EPHA7: variants seen among roughly 807,000 people sequenced by gnomAD.
EPHA7 encodes ephrin type-A receptor 7.
Under a neutral mutation model 112.6 loss-of-function variants are expected in EPHA7, and 25 were observed. That is an observed-to-expected ratio of 0.22 (90% CI 0.16 to 0.31). EPHA7 has a LOEUF of 0.31. Ranked by LOEUF, EPHA7 falls within the 10% of genes least tolerant of loss-of-function variation. The pLI is 1.00. For synonymous variants in EPHA7, 437 were observed against 406.5 expected, an observed-to-expected ratio of 1.07 and a Z score of -0.90; for missense variants, 962 against 1,212.6, an observed-to-expected ratio of 0.79 and a Z score of 3.07.
At chr6:93,343,594 C>T (rs1353873559) in intron 5 of EPHA7, among the ~76,000 whole-genome samples, 2 of 151,648 alleles carry the variant, frequency 1.3e-5, no homozygotes, top group Admixed American at 6.6e-5. Context: ...TTGCTTTTTG[C>T]GTTCCCTGCA....
chr6:93,343,501 T>C (rs1775241597), intron 5 of EPHA7, among the ~76,000 whole-genome samples: 1 of 151,762 alleles, frequency 6.6e-6, no homozygotes, highest in African/African-American at 2.4e-5. Flanking sequence ...GAATTATCTG[T>C]TTATAGTTCT....
intron 5 of EPHA7, among the ~76,000 whole-genome samples, chr6:93,336,603 G>A (rs1368685711): frequency 2.6e-5 from 4 of 151,900 alleles, no homozygotes; most frequent in East Asian, 1.9e-4. Flanking sequence ...GGGTTTCACT[G>A]TGTTAGCCAG....
At position 93,356,989 on chromosome 6, in the gene EPHA7, C is replaced by G; in HGVS notation, c.1052G>C (p.Trp351Ser). The part of the protein sequence containing the change: ...NINQTTVSLE[W>S]SPPADNGGRN... ...TCCCCCATTGTCTGCAGGAGGACTC[C>G]ATTCCAAACTTACTGTGGTTTGGTT... The change falls in exon 5 of 17, where the codon TGG becomes TCG. Residue 351 changes from tryptophan (W) to serine (S), a missense_variant. By Grantham distance (177) the Trp-to-Ser change is radical. Coordinates refer to ENST00000369303, the MANE Select transcript of EPHA7 (RefSeq NM_004440.4). 6.2e-7 allele frequency: 1 copy of G among 1,614,036 alleles called. No homozygotes were observed. Among genetic ancestry groups the G allele is most frequent in the Non-Finnish European group, 8.5e-7 (1 of 1,179,992 alleles).
chr6:93,294,767 T>C (rs346462), intron 5 of EPHA7, among the ~76,000 whole-genome samples: 45,281 of 151,896 alleles, frequency 0.3, 7,010 homozygotes, highest in South Asian at 0.48. Flanking sequence ...CATACATTAA[T>C]AGATATAGAT....
At chr6:93,312,253 T>C (rs1296793282) in intron 5 of EPHA7, among the ~76,000 whole-genome samples, 1 of 152,136 alleles carries the variant, frequency 6.6e-6, no homozygotes, top group Non-Finnish European at 1.5e-5. Context: ...TGGCATCATT[T>C]TCCAATATAA....
At chr6:93,360,285 T>C (rs1398426054) in intron 3 of EPHA7, among the ~76,000 whole-genome samples, 1 of 100,032 alleles carries the variant, frequency 1.0e-5, no homozygotes, top group Non-Finnish European at 2.1e-5. Flanking sequence ...TTTTAAAATA[T>C]TCATTGTATC....
At chr6:93,329,190 T>C (rs1364945868) in intron 5 of EPHA7, among the ~76,000 whole-genome samples, 1 of 151,424 alleles carries the variant, frequency 6.6e-6, no homozygotes, top group Non-Finnish European at 1.5e-5. Context: ...TCTTCAGATC[T>C]GCATTGTAAT....
At chr6:93,375,470 A>C (rs1777009443) in intron 3 of EPHA7, among the ~76,000 whole-genome samples, 1 of 151,970 alleles carries the variant, frequency 6.6e-6, no homozygotes, top group African/African-American at 2.4e-5. Flanking sequence ...TAAAAATAAA[A>C]AAAATAGTGA....
intron 3 of EPHA7, among the ~76,000 whole-genome samples, chr6:93,377,861 T>G (rs926692669): frequency 8.5e-5 from 13 of 152,194 alleles, no homozygotes; most frequent in African/African-American, 2.9e-4. Context: ...AGTCATTCGC[T>G]AATTCATTCA....
At chr6:93,246,709 C>T in intron 15 of EPHA7, 83 bp downstream of exon 15, 1 of 1,158,028 alleles carries the variant, frequency 8.6e-7, no homozygotes, top group East Asian at 2.4e-5. Context: ...GTCAATTTGC[C>T]ATTGTGGTGG....
Position 93,410,883 on chromosome 6 carries a change from A to G in EPHA7, c.450T>C (p.Ala150=), listed in dbSNP as rs1477706365. 10 of 1,614,086 alleles carry G rather than the reference A, an allele frequency of 6.2e-6. No individual in the cohort carries two copies. Among genetic ancestry groups the G allele is most frequent in the Non-Finnish European group, 8.5e-6 (10 of 1,179,976 alleles). The change falls in exon 3 of 17, where the codon GCT becomes GCC. Residue 150 remains alanine, a synonymous_variant. Transcript: ENST00000369303. This position sits in a 1 kb window ranked among gnomAD's most constrained non-coding sequence, Gnocchi z 4.0. Reference sequence around the variant, plus strand: ...CACCTTGGGTAAAACTTTCATCTGCAGCAATGGTGTCTATTTTTACATAGA... The same window carrying G: ...CACCTTGGGTAAAACTTTCATCTGCGGCAATGGTGTCTATTTTTACATAGA... ...ENLYVKIDTI[A]ADESFTQGDL...
At chr6:93,286,370 G>A (rs1772064322) in intron 5 of EPHA7, among the ~76,000 whole-genome samples, 1 of 152,186 alleles carries the variant, frequency 6.6e-6, no homozygotes, top group Non-Finnish European at 1.5e-5. Flanking sequence ...AAAGTTTCCA[G>A]TAAGCTATGG....
chr6:93,359,077 A>G (rs1776108749), intron 3 of EPHA7, among the ~76,000 whole-genome samples: 2 of 152,130 alleles, frequency 1.3e-5, no homozygotes. Flanking sequence ...ACCACCAGAA[A>G]CAAGGGGAAA....
intron 5 of EPHA7, among the ~76,000 whole-genome samples, chr6:93,307,548 A>G (rs1773318392): frequency 6.6e-6 from 1 of 152,164 alleles, no homozygotes; most frequent in Admixed American, 6.5e-5. Context: ...TGAAAACTAA[A>G]AAATAATTTC....
At chr6:93,260,624 A>G in intron 9 of EPHA7, 2 of 973,440 alleles carry the variant, frequency 2.1e-6, no homozygotes, top group Non-Finnish European at 2.4e-6. Flanking sequence ...TTTTAAAAGT[A>G]AACACATAAC....
At chr6:93,329,004 AT>A (rs1774457744) in intron 5 of EPHA7, among the ~76,000 whole-genome samples, 1 of 151,516 alleles carries the variant, frequency 6.6e-6, no homozygotes, top group African/African-American at 2.4e-5. Context: ...ATCCATATTC[AT>A]CTGTTAATAT....
In EPHA7 at chr6:93,358,302, A is replaced by T. The variant is rs113701581; in HGVS notation, c.942T>A (p.Asp314Glu). ...GGTCAGATGGAGCCCTGTAATACCC[A>T]TCTTCACATTCACATCTGGAGGAGC... The part of the protein sequence containing the change: ...KEGSSRCECE[D>E]GYYRAPSDPP... The change falls in exon 4 of 17, where the codon GAT becomes GAA. Residue 314 changes from aspartate to glutamate, a missense_variant. Asp to Glu is a conservative substitution (Grantham distance 45, BLOSUM62 2). This residue lies in a region of EPHA7 where 746 missense variants were observed against 889.2 expected (regional missense o/e 0.84). Transcript: ENST00000369303. The T allele has an allele frequency of 1.7e-5, 28 of 1,613,716 alleles. No individual in the cohort carries two copies. Among genetic ancestry groups the T allele is most frequent in the African/African-American group, 1.6e-4 (12 of 75,008 alleles).
At chr6:93,263,185 T>C (rs958624958) in intron 9 of EPHA7, among the ~76,000 whole-genome samples, 6 of 151,364 alleles carry the variant, frequency 4.0e-5, no homozygotes, top group Non-Finnish European at 8.9e-5. Flanking sequence ...CTACATAAAG[T>C]AATAACAGTT....
At chr6:93,383,561 C>T (rs1777454296) in intron 3 of EPHA7, among the ~76,000 whole-genome samples, 1 of 152,020 alleles carries the variant, frequency 6.6e-6, no homozygotes, top group African/African-American at 2.4e-5. Context: ...CATCAAATTA[C>T]ACCACCAAAA....
Sources: allele counts gnomAD v4.1 joint callset (sites outside exome capture counted in the v4.1 genomes callset), GRCh38; gene constraint gnomAD v4.1.1; regional missense constraint gnomAD v4.1.1; non-coding constraint Gnocchi (gnomAD v3.1); transcripts MANE v1.5; gene names NCBI Gene and HGNC (gene_info 2026-07-23, HGNC 2026-07-21).